The following VPS45 variants were observed in gnomAD, a reference collection of about 807,000 sequenced individuals.
VPS45 encodes the protein vacuolar protein sorting-associated protein 45.
Under a neutral mutation model 75.9 loss-of-function variants are expected in VPS45, and 35 were observed. The ratio of observed to expected loss-of-function variants is 0.46; its 90% confidence interval spans 0.35 to 0.61. The LOEUF is 0.61. Among genes scored for constraint, VPS45 ranks in the 20% least tolerant of loss-of-function variants. VPS45 has a pLI of 0.00. For missense variants in VPS45, 559 were observed against 685.9 expected, an observed-to-expected ratio of 0.81 and a Z score of 2.07; for synonymous variants, 220 against 238.2, an observed-to-expected ratio of 0.92 and a Z score of 0.70.
intron 13 of VPS45, among the ~76,000 whole-genome samples, chr1:150,100,707 A>G (rs982423749): frequency 1.3e-5 from 2 of 152,196 alleles, no homozygotes; most frequent in Non-Finnish European, 2.9e-5. Context: ...ATCTTTGACA[A>G]AGCTGATAAA....
intron 14 of VPS45, among the ~76,000 whole-genome samples, chr1:150,141,485 A>G (rs1553815265): frequency 6.6e-6 from 1 of 152,218 alleles, no homozygotes; most frequent in East Asian, 1.9e-4. Context: ...AGTAATTAAT[A>G]TTTTTAATCC....
At chr1:150,133,842 A>T (rs966625979) in intron 14 of VPS45, among the ~76,000 whole-genome samples, 19 of 152,178 alleles carry the variant, frequency 1.2e-4, no homozygotes, top group Non-Finnish European at 2.4e-4. Context: ...CGATGAGGGT[A>T]ATTTTTTCCT....
intron 10 of VPS45, among the ~76,000 whole-genome samples, chr1:150,084,005 G>A (rs1384872885): frequency 1.3e-5 from 2 of 152,188 alleles, no homozygotes; most frequent in African/African-American, 4.8e-5. Context: ...AATACTGACT[G>A]TAACAGGTTT....
At chr1:150,083,177 C>G (rs969004031) in intron 10 of VPS45, 6 of 232,690 alleles carry the variant, frequency 2.6e-5, no homozygotes, top group African/African-American at 4.5e-5. Context: ...ATACCACTTA[C>G]AGGCTTTGTG....
chr1:150,141,971 T>G (rs1261207627), intron 14 of VPS45, among the ~76,000 whole-genome samples: 2 of 151,598 alleles, frequency 1.3e-5, no homozygotes, highest in Non-Finnish European at 2.9e-5. Context: ...GAAAGAAAAA[T>G]TATTCTTTTT....
rs370935187 is a variant in VPS45, at chr1:150,091,055, C to T, written c.1105-882C>T. On this transcript the variant is annotated intron_variant, in intron 10 of 14. Coordinates refer to ENST00000644510, the MANE Select transcript of VPS45 (RefSeq NM_007259.5). ...GAAAAATTACATGTGAACCAATATG[C>T]CTTCTGTGTTAAACTGACACCATTT... Among the ~76,000 whole-genome samples the T allele has an allele frequency of 2.0e-5, 3 of 152,158 alleles. No homozygotes were observed. In the East Asian group the frequency reaches 5.8e-4, roughly 29 times the overall value.
chr1:150,088,401 C>T (rs1553801183), intron 10 of VPS45, among the ~76,000 whole-genome samples: 1 of 143,584 alleles, frequency 7.0e-6, no homozygotes, highest in Non-Finnish European at 1.5e-5. Flanking sequence ...CCACAAATGA[C>T]AGGATTTTGT....
chr1:150,086,776 A>T (rs1656040636), intron 10 of VPS45, among the ~76,000 whole-genome samples: 1 of 152,102 alleles, frequency 6.6e-6, no homozygotes, highest in African/African-American at 2.4e-5. Flanking sequence ...TTTTTCCCTG[A>T]TAAGCTTTTT....
chr1:150,068,451 A>T (rs587749537), intron 1 of VPS45, 179 bp from the exon 2 acceptor site: 1 of 484,844 alleles, frequency 2.1e-6, no homozygotes, highest in East Asian at 3.4e-5. Flanking sequence ...AGCTGAAAGG[A>T]TAGAGCGTAT....
At chr1:150,087,261 C>A (rs1157972546) in intron 10 of VPS45, among the ~76,000 whole-genome samples, 1 of 152,116 alleles carries the variant, frequency 6.6e-6, no homozygotes, top group Non-Finnish European at 1.5e-5. Context: ...TTTGCTTTTC[C>A]TATTCCTTGA....
rs944694768 is a variant in VPS45 at position 150,122,178 on chromosome 1, G to A, written c.1625+11551G>A. On this transcript the variant is annotated intron_variant, in intron 14 of 14. Coordinates refer to ENST00000644510, the MANE Select transcript of VPS45 (RefSeq NM_007259.5). ...TCTCCTAAAAATACAAAAATTAGCC[G>A]GGCCTGGTGGTGCACTCCTGTAATC... Among the ~76,000 whole-genome samples, 5 of 152,174 alleles carry A rather than the reference G, an allele frequency of 3.3e-5. No homozygotes were observed. The South Asian group carries it at 6.2e-4, about 19-fold the overall frequency.
chr1:150,114,726 A>G (rs587751013), intron 14 of VPS45, among the ~76,000 whole-genome samples: 1 of 152,080 alleles, frequency 6.6e-6, no homozygotes, highest in East Asian at 1.9e-4. Context: ...GCTGGGCAAC[A>G]TGGTGAAACT....
rs1559939328 is a variant in VPS45 at position 150,125,876 on chromosome 1, C to T, written c.1625+15249C>T. 5.9e-5 allele frequency among the ~76,000 whole-genome samples: 9 copies of T among 151,742 alleles called. No individual in the cohort carries two copies. In the South Asian group the frequency reaches 1.7e-3, roughly 28 times the overall value. Reference sequence around the variant, plus strand: ...CTAATTTTTGTATTTTTAGTAGAGACGGGCTTTCACCATCTTGGCCAGACT... The same window carrying T: ...CTAATTTTTGTATTTTTAGTAGAGATGGGCTTTCACCATCTTGGCCAGACT... On this transcript the variant is annotated intron_variant, in intron 14 of 14. Transcript: ENST00000644510.
intron 14 of VPS45, among the ~76,000 whole-genome samples, chr1:150,144,172 C>T (rs1659553864): frequency 6.6e-6 from 1 of 151,676 alleles, no homozygotes; most frequent in South Asian, 2.1e-4. Flanking sequence ...TGGTCTCAAA[C>T]TCCTGGGCTC....
intron 14 of VPS45, among the ~76,000 whole-genome samples, chr1:150,140,568 G>C (rs1400116480): frequency 6.6e-6 from 1 of 151,586 alleles, no homozygotes; most frequent in Non-Finnish European, 1.5e-5. Flanking sequence ...TAAATTCCAT[G>C]AGAGCAGAGG....
chr1:150,077,973 C>A (rs1198433023), intron 7 of VPS45, among the ~76,000 whole-genome samples, 194 bp downstream of exon 7: 1 of 152,154 alleles, frequency 6.6e-6, no homozygotes, highest in South Asian at 2.1e-4. Flanking sequence ...TCTGCTTCAT[C>A]TCTCCTGTAC....
chr1:150,077,603 C>A (rs782528495), intron 6 of VPS45, 66 bp from the exon 7 acceptor site: 40 of 1,107,420 alleles, frequency 3.6e-5, no homozygotes, highest in Non-Finnish European at 5.1e-5. Flanking sequence ...TTATTAATTT[C>A]CTATTTATAT....
At chr1:150,102,762 G>A (rs1657112976) in intron 13 of VPS45, among the ~76,000 whole-genome samples, 1 of 152,104 alleles carries the variant, frequency 6.6e-6, no homozygotes, top group Admixed American at 6.5e-5. Flanking sequence ...GTAAACTAAT[G>A]CAGGAAGAGA....
chr1:150,081,093 A>T (rs1443836070), intron 7 of VPS45, among the ~76,000 whole-genome samples: 1 of 152,212 alleles, frequency 6.6e-6, no homozygotes, highest in Non-Finnish European at 1.5e-5. Flanking sequence ...TTCTATCAAG[A>T]ATATTAATCT....
Sources: allele counts gnomAD v4.1 joint callset (sites outside exome capture counted in the v4.1 genomes callset), GRCh38; gene constraint gnomAD v4.1.1; transcripts MANE v1.5; gene names NCBI Gene and HGNC (gene_info 2026-07-23, HGNC 2026-07-21).